The following SMC1A variants were observed in gnomAD, a reference collection of about 807,000 sequenced individuals.
The protein encoded by SMC1A is structural maintenance of chromosomes protein 1A.
Under a neutral mutation model 94.5 loss-of-function variants are expected in SMC1A, and 4 were observed. The observed-to-expected ratio is 0.04, with a 90% CI of 0.02 to 0.10. The LOEUF (loss-of-function observed/expected upper bound fraction) is 0.10. Ranked by LOEUF, SMC1A falls within the 10% of genes least tolerant of loss-of-function variation. The pLI, the probability that SMC1A is intolerant of heterozygous loss-of-function variation, is 1.00. For synonymous variants in SMC1A, 345 were observed against 347.7 expected, an observed-to-expected ratio of 0.99 and a Z score of 0.09; for missense variants, 304 against 989.0, an observed-to-expected ratio of 0.31 and a Z score of 9.29.
chrX:53,421,397 C>T (rs2075755007), intron 1 of SMC1A, among the ~76,000 whole-genome samples: 1 of 112,197 alleles, frequency 8.9e-6, no homozygotes, highest in African/African-American at 3.2e-5. Context: ...GTCAATAGTG[C>T]CACTGTTGAG....
rs375834544 is a variant in SMC1A at position 53,412,367 on chromosome X, A to C, written c.855-114T>G. On this transcript the variant is annotated intron_variant, in intron 5 of 24. Transcript: ENST00000322213. Reference sequence around the variant, plus strand: ...CTGAGCCAACCTCAGGGAATTACTTAAAAGAACATGGGCGTAATGCCCCAC... The same window carrying C: ...CTGAGCCAACCTCAGGGAATTACTTCAAAGAACATGGGCGTAATGCCCCAC... 12 of 759,236 alleles carry C rather than the reference A, an allele frequency of 1.6e-5. No individual in the cohort carries two copies. In the African/African-American group the frequency reaches 1.9e-4, roughly 12 times the overall value. The allele number at this position is 759,236 out of a possible 1,213,427, so 62.6% of individuals were successfully genotyped here. A position where few individuals can be genotyped will look rare whatever the true frequency, so the allele number is the denominator to read the frequency against.
At position 53,380,644 on chromosome X, in the gene SMC1A, C is replaced by T; in HGVS notation, c.3594G>A (p.Glu1198=). 8.3e-7 allele frequency: 1 copy of T among 1,205,303 alleles called. No homozygotes were observed. The highest frequency in any genetic ancestry group is 1.1e-6 in the Non-Finnish European group (1 of 889,663). Reference sequence around the variant, plus strand: ...CCTCAGGATAGACTCCAATGAGGCTCTCGGCCTTGGTGTAGAACTCCTCCT... The same window carrying T: ...CCTCAGGATAGACTCCAATGAGGCTTTCGGCCTTGGTGTAGAACTCCTCCT... The part of the protein sequence containing the change: ...SLKEEFYTKA[E]SLIGVYPEQG... Residue 1198 remains glutamate (E), a synonymous_variant, in exon 24 of 25, where the codon GAG becomes GAA. Coordinates refer to ENST00000322213, the MANE Select transcript of SMC1A (RefSeq NM_006306.4).
intron 19 of SMC1A, among the ~76,000 whole-genome samples, chrX:53,386,009 C>T (rs782341993): frequency 9.0e-6 from 1 of 111,697 alleles, no homozygotes; most frequent in Non-Finnish European, 1.9e-5. Context: ...AGGGATCAAA[C>T]TCAGTATCAC....
At position 53,392,393 on chromosome X, in the gene SMC1A, A is replaced by C. The variant is rs782061360; in HGVS notation, c.2973+2385T>G. Among the ~76,000 whole-genome samples the C allele has an allele frequency of 4.5e-5, 5 of 109,939 alleles. No homozygotes were observed. In the East Asian group the frequency reaches 1.4e-3, roughly 32 times the overall value. On this transcript the variant is annotated intron_variant, in intron 19 of 24. Transcript: ENST00000322213. ...GGTGACAGAGCGAGACTGTCTCAAA[A>C]AAAAAAAACAAAAAACAAAAAAACA...
chrX:53,381,217 G>T (rs2075581689), intron 22 of SMC1A, 130 bp from the exon 23 acceptor site: 2 of 461,910 alleles, frequency 4.3e-6, no homozygotes, highest in South Asian at 6.7e-5. Flanking sequence ...AAAAACCCAG[G>T]TCTCAAAGTT....
In SMC1A at chrX:53,394,764, T is replaced by C; in HGVS notation, c.2973+14A>G. On this transcript the variant is annotated intron_variant, in intron 19 of 24. Coordinates refer to ENST00000322213, the MANE Select transcript of SMC1A (RefSeq NM_006306.4). ...AACCCCCACCCCCACCACACCCCTG[T>C]GGTTGATCCTCACCTTCAGATCCTC... is the stretch of plus-strand genomic sequence containing the variant. The C allele has an allele frequency of 2.2e-6, 1 of 456,280 alleles. No homozygotes were observed. The highest frequency in any genetic ancestry group is 3.7e-6 in the Non-Finnish European group (1 of 269,495). 37.6% of individuals were successfully genotyped at this position (456,280 alleles called of 1,213,427 possible). A position where few individuals can be genotyped will look rare whatever the true frequency, so the allele number is the denominator to read the frequency against.
In SMC1A at chrX:53,393,024, T is replaced by C. The variant is rs192406435; in HGVS notation, c.2973+1754A>G. On this transcript the variant is annotated intron_variant, in intron 19 of 24. Coordinates refer to ENST00000322213, the MANE Select transcript of SMC1A (RefSeq NM_006306.4). Reference sequence around the variant, plus strand: ...TTTGTTTTTTGGCAAGAATACTTCATAGCTAATGTTGAACACTGGTCAATG... The same window carrying C: ...TTTGTTTTTTGGCAAGAATACTTCACAGCTAATGTTGAACACTGGTCAATG... Among the ~76,000 whole-genome samples, 543 of 112,112 alleles carry C rather than the reference T, an allele frequency of 4.8e-3. 4 individuals are homozygous for C. Among genetic ancestry groups the C allele is most frequent in the African/African-American group, 0.017 (513 of 30,887 alleles).
chrX:53,400,400 C>T lies in SMC1A; in HGVS notation c.2421-670G>A, dbSNP rs782467637. 2.7e-5 allele frequency among the ~76,000 whole-genome samples: 3 copies of T among 111,822 alleles called. No homozygotes were observed. The South Asian group carries it at 1.1e-3, about 42-fold the overall frequency. ...CTCTCCAGACCTGTTTCCCCATCTG[C>T]AAAATGAACATAATAATAGTACCTA... On this transcript the variant is annotated intron_variant, in intron 15 of 24. Coordinates refer to ENST00000322213, the MANE Select transcript of SMC1A (RefSeq NM_006306.4).
At chrX:53,421,344 G>GCACA (rs1226926647) in intron 1 of SMC1A, among the ~76,000 whole-genome samples, 1 of 112,017 alleles carries the variant, frequency 8.9e-6, no homozygotes, top group Non-Finnish European at 1.9e-5. Flanking sequence ...ATCCTACAAT[G>GCACA]CACAGAGCAC....
chrX:53,396,278 G>A lies in SMC1A; in HGVS notation c.2811C>T (p.Asp937=), dbSNP rs781791682. 8 of 1,210,958 alleles carry A rather than the reference G, an allele frequency of 6.6e-6. No individual in the cohort carries two copies. Among genetic ancestry groups the A allele is most frequent in the Non-Finnish European group, 8.9e-6 (8 of 895,006 alleles). ...TGCCTTTTGACAGTGGCAACTTAAT[G>A]TCCTGCATCTTACAGGCCTGTAGCA... The part of the protein sequence containing the change: ...HNLLQACKMQ[D]IKLPLSKGTM... The change falls in exon 18 of 25, where the codon GAC becomes GAT. Residue 937 remains aspartate, a synonymous_variant. Transcript: ENST00000322213.
Position 53,396,891 on chromosome X carries a change from T to C in SMC1A, c.2563-274A>G, listed in dbSNP as rs2075653224. Reference sequence around the variant, plus strand: ...ATCACTCACAATCTCATCAGCTAGATAATCAATTAACATTCTAGCACATTT... The same window carrying C: ...ATCACTCACAATCTCATCAGCTAGACAATCAATTAACATTCTAGCACATTT... On this transcript the variant is annotated intron_variant, in intron 16 of 24. Coordinates refer to ENST00000322213, the MANE Select transcript of SMC1A (RefSeq NM_006306.4). Among the ~76,000 whole-genome samples the C allele has an allele frequency of 2.7e-5, 3 of 112,374 alleles. No homozygotes were observed. In the South Asian group the frequency reaches 1.1e-3, roughly 41 times the overall value.
At chrX:53,390,446 C>T (rs1239483907) in intron 19 of SMC1A, among the ~76,000 whole-genome samples, 1 of 107,405 alleles carries the variant, frequency 9.3e-6, no homozygotes, top group Non-Finnish European at 1.9e-5. Context: ...CAAGCTTGTG[C>T]CACTGCACAC....
chrX:53,375,757 A>T lies in SMC1A; in HGVS notation c.*4346T>A, dbSNP rs2075557765. 1 of 111,687 alleles carries T rather than the reference A, an allele frequency of 9.0e-6. No individual in the cohort carries two copies. Among genetic ancestry groups the T allele is most frequent in the African/African-American group, 3.3e-5 (1 of 30,645 alleles). The allele number at this position is 111,687 out of a possible 1,213,427, so 9.2% of individuals were successfully genotyped here. ...ATGGATAAGGAAAGAGATGACTGGG[A>T]CAGGGTAGGAATCATGGCTATTCAT... On this transcript the variant is annotated 3_prime_UTR_variant, in exon 25 of 25. Transcript: ENST00000322213.
At chrX:53,389,945 G>A (rs2075621378) in intron 19 of SMC1A, among the ~76,000 whole-genome samples, 1 of 98,970 alleles carries the variant, frequency 1.0e-5, no homozygotes. Flanking sequence ...TGACTCCTGG[G>A]TTCAAGTGAT....
chrX:53,413,118 C>A lies in SMC1A; in HGVS notation c.636G>T (p.Leu212=). ...CCTGAGCCCGTACTACCTCATCCTT[C>A]AGGCGCTGGTACCGGTCAGCCTGTG... is the stretch of plus-strand genomic sequence containing the variant. ...EKEEADRYQR[L]KDEVVRAQVQ... is the part of the protein sequence containing the mutation. The change falls in exon 5 of 25, where the codon CTG becomes CTT. Residue 212 remains leucine, a synonymous_variant. Coordinates refer to ENST00000322213, the MANE Select transcript of SMC1A (RefSeq NM_006306.4). 8.3e-7 allele frequency: 1 copy of A among 1,211,800 alleles called. No homozygotes were observed. The highest frequency in any genetic ancestry group is 1.1e-6 in the Non-Finnish European group (1 of 895,508).
At chrX:53,404,536 C>G (rs1556889373) in intron 13 of SMC1A, among the ~76,000 whole-genome samples, 3 of 111,025 alleles carry the variant, frequency 2.7e-5, no homozygotes, top group Non-Finnish European at 5.7e-5. Flanking sequence ...CTCTGTCACC[C>G]AGGCTGGAGT....
chrX:53,414,666 G>T, intron 3 of SMC1A, 92 bp downstream of exon 3: 1 of 605,974 alleles, frequency 1.7e-6, no homozygotes. Context: ...GTTCAAGGGA[G>T]AGATGATAAA....
intron 15 of SMC1A, among the ~76,000 whole-genome samples, chrX:53,400,566 C>T (rs1226229520): frequency 8.9e-6 from 1 of 111,777 alleles, no homozygotes; most frequent in Non-Finnish European, 1.9e-5. Flanking sequence ...TACTTTTGTC[C>T]AAGGGCTTCA....
intron 18 of SMC1A, 120 bp from the exon 19 acceptor site, chrX:53,395,008 A>T: frequency 1.9e-6 from 1 of 521,404 alleles, no homozygotes; most frequent in Non-Finnish European, 3.4e-6. Flanking sequence ...ACCATGGCAG[A>T]AGGAACAGAG....
Sources: allele counts gnomAD v4.1 joint callset (sites outside exome capture counted in the v4.1 genomes callset), GRCh38; gene constraint gnomAD v4.1.1; transcripts MANE v1.5; gene names NCBI Gene and HGNC (gene_info 2026-07-23, HGNC 2026-07-21).